MACROD2: variants seen among roughly 807,000 people sequenced by gnomAD.
MACROD2 encodes the protein mono-ADP ribosylhydrolase 2.
A neutral mutation model predicts 70.4 loss-of-function variants in MACROD2; 36 were observed. That is an observed-to-expected ratio of 0.51 (90% confidence interval 0.39 to 0.68). The LOEUF is 0.68. Among genes scored for constraint, MACROD2 ranks in the 30% least tolerant of loss-of-function variants. The pLI is 0.00. For missense variants in MACROD2, 496 were observed against 538.4 expected (o/e 0.92, Z 0.78); for synonymous variants, 172 against 178.8 (o/e 0.96, Z 0.30).
At position 14,313,432 on chromosome 20, in the gene MACROD2, C is replaced by CT. The variant is rs11478631; in HGVS notation, c.272-180031dup. On this transcript the variant is annotated intron_variant, in intron 3 of 17. Coordinates refer to ENST00000684519, the MANE Select transcript of MACROD2 (RefSeq NM_001351661.2). ...ACTGTAAACTGCTGCTTTCCCCCTCCTTTTTTTTTTTTTTTTGTCCCAAAA... is the reference window on the plus strand; with the variant it reads ...ACTGTAAACTGCTGCTTTCCCCCTCCTTTTTTTTTTTTTTTTTGTCCCAAAA... 2.6e-3 allele frequency among the ~76,000 whole-genome samples: 343 copies of CT among 133,046 alleles called. 1 individual carries two copies. Among genetic ancestry groups the CT allele is most frequent in the African/African-American group, 5.2e-3 (188 of 35,830 alleles). 87.3% of individuals were successfully genotyped at this position (133,046 alleles called of 152,430 possible).
intron 6 of MACROD2, among the ~76,000 whole-genome samples, chr20:15,299,145 G>A (rs2077618631): frequency 6.6e-6 from 1 of 152,136 alleles, no homozygotes; most frequent in Admixed American, 6.5e-5. Context: ...TGTTGCCTCT[G>A]AAGAAAAGGC....
chr20:15,551,366 C>CTTTTGTCACCTCG (rs1318278164), intron 8 of MACROD2, among the ~76,000 whole-genome samples: 2 of 149,884 alleles, frequency 1.3e-5, no homozygotes, highest in Admixed American at 6.6e-5. Flanking sequence ...CATCTCTTGT[C>CTTTTGTCACCTCG]TTTTGTCACC....
intron 3 of MACROD2, among the ~76,000 whole-genome samples, chr20:14,276,298 T>TA (rs1472111665): frequency 1.3e-5 from 2 of 150,304 alleles, no homozygotes; most frequent in African/African-American, 4.9e-5. Context: ...TATGCAGCCA[T>TA]AAAAAATGAT....
chr20:14,335,446 AATTAAC>A lies in MACROD2; in HGVS notation c.272-158031_272-158026del, dbSNP rs1458490738. ...GTTTTGATAGAATTGTAGGCTCCTT[AATTAAC>A]ACTTGAAAGCAAAAGAAACATACCT... On this transcript the variant is annotated intron_variant, in intron 3 of 17. Coordinates refer to ENST00000684519, the MANE Select transcript of MACROD2 (RefSeq NM_001351661.2). Among the ~76,000 whole-genome samples the A allele has an allele frequency of 6.8e-4, 103 of 152,304 alleles. 1 individual carries two copies. Among genetic ancestry groups the A allele is most frequent in the African/African-American group, 2.5e-3 (103 of 41,576 alleles).
chr20:14,040,547 A>T (rs2053377349), intron 2 of MACROD2, among the ~76,000 whole-genome samples: 1 of 152,152 alleles, frequency 6.6e-6, no homozygotes, highest in South Asian at 2.1e-4. Flanking sequence ...ATAATCTTTT[A>T]TCCCTCACCC....
At chr20:15,553,631 G>A (rs563924519) in intron 8 of MACROD2, among the ~76,000 whole-genome samples, 1 of 152,182 alleles carries the variant, frequency 6.6e-6, no homozygotes, top group South Asian at 2.1e-4. Flanking sequence ...TGTTGCCCAG[G>A]CCAGTCCTGA....
At chr20:15,117,971 CA>C (rs2123239221) in intron 5 of MACROD2, among the ~76,000 whole-genome samples, 1 of 152,134 alleles carries the variant, frequency 6.6e-6, no homozygotes, top group East Asian at 1.9e-4. Context: ...TTCCCCACTC[CA>C]AAGAGAATGT....
chr20:14,663,398 T>C (rs533802178), intron 4 of MACROD2, among the ~76,000 whole-genome samples: 1 of 151,936 alleles, frequency 6.6e-6, no homozygotes, highest in Non-Finnish European at 1.5e-5. Context: ...AATATCTGGA[T>C]GATGAAATAA....
At chr20:15,182,462 G>C (rs1300234621) in intron 5 of MACROD2, among the ~76,000 whole-genome samples, 1 of 152,158 alleles carries the variant, frequency 6.6e-6, no homozygotes, top group Non-Finnish European at 1.5e-5. Flanking sequence ...CAGACACAAA[G>C]AACCTAGTTG....
chr20:15,077,878 T>A (rs1461792978), intron 5 of MACROD2, among the ~76,000 whole-genome samples: 1 of 152,140 alleles, frequency 6.6e-6, no homozygotes, highest in African/African-American at 2.4e-5. Context: ...CTGCAGCGTT[T>A]GGAAGTGTTG....
chr20:14,536,335 A>C (rs571394613), intron 4 of MACROD2, among the ~76,000 whole-genome samples: 1 of 152,320 alleles, frequency 6.6e-6, no homozygotes, highest in Admixed American at 6.5e-5. Context: ...TTTACTGGGT[A>C]CAGAAAAATG....
intron 4 of MACROD2, among the ~76,000 whole-genome samples, chr20:14,577,551 G>C (rs1038822913): frequency 1.3e-5 from 2 of 152,204 alleles, no homozygotes; most frequent in South Asian, 2.1e-4. Flanking sequence ...GGCTGAGGTG[G>C]GAGCGATTGT....
chr20:15,335,705 A>G (rs1397311073), intron 6 of MACROD2, among the ~76,000 whole-genome samples: 3 of 151,696 alleles, frequency 2.0e-5, no homozygotes, highest in East Asian at 1.9e-4. Flanking sequence ...TTCTTGAAAT[A>G]TGTAAATTAC....
chr20:15,401,232 G>T (rs1450009368), intron 6 of MACROD2, among the ~76,000 whole-genome samples: 1 of 152,086 alleles, frequency 6.6e-6, no homozygotes, highest in Non-Finnish European at 1.5e-5. Flanking sequence ...TGGAGACGGG[G>T]TTTCACTGTG....
chr20:14,898,403 G>A (rs1241590384), intron 5 of MACROD2, among the ~76,000 whole-genome samples: 1 of 151,992 alleles, frequency 6.6e-6, no homozygotes, highest in Non-Finnish European at 1.5e-5. Flanking sequence ...CAAGAAATTG[G>A]AAAAAATGAG....
At chr20:15,366,749 AG>A (rs1212497893) in intron 6 of MACROD2, among the ~76,000 whole-genome samples, 4 of 151,178 alleles carry the variant, frequency 2.6e-5, no homozygotes, top group Admixed American at 6.6e-5. Context: ...TCTGTAGAGA[AG>A]GTGTCTTGCT....
At chr20:14,170,816 T>C (rs1172501167) in intron 3 of MACROD2, among the ~76,000 whole-genome samples, 1 of 152,180 alleles carries the variant, frequency 6.6e-6, no homozygotes, top group Admixed American at 6.5e-5. Flanking sequence ...CCTTTTTTTA[T>C]TATGTGCTTT....
intron 3 of MACROD2, among the ~76,000 whole-genome samples, chr20:14,113,527 T>C (rs2054478717): frequency 6.6e-6 from 1 of 152,054 alleles, no homozygotes; most frequent in Non-Finnish European, 1.5e-5. Context: ...GTGCAATCAG[T>C]CACTGGAGTT....
At chr20:15,450,041 T>C (rs781422398) in intron 7 of MACROD2, among the ~76,000 whole-genome samples, 24 of 152,056 alleles carry the variant, frequency 1.6e-4, no homozygotes, top group African/African-American at 4.6e-4. Context: ...ACACAACAGA[T>C]ATTAAGCCAT....
Sources: gnomAD v4.1 joint callset for allele counts (sites outside exome capture counted in the v4.1 genomes callset) on GRCh38, gnomAD v4.1.1 for gene constraint, MANE v1.5 for transcripts, NCBI Gene and HGNC (gene_info 2026-07-23, HGNC 2026-07-21) for gene names.